Variants in AXDND1 observed in about 807,000 individuals in gnomAD.
AXDND1 encodes the protein axonemal dynein light chain domain containing 1, also known as axonemal dynein light chain domain-containing protein 1.
In AXDND1, 110 loss-of-function variants were observed where a neutral mutation model predicts 137.5. That is an observed-to-expected ratio of 0.80 (90% CI 0.69 to 0.94). AXDND1 has a LOEUF of 0.94. Among genes scored for constraint, AXDND1 ranks in the 40% least tolerant of loss-of-function variants. The pLI is 0.00. For synonymous variants in AXDND1, 414 were observed against 399.7 expected, an observed-to-expected ratio of 1.04 and a Z score of -0.43; for missense variants, 1,191 against 1,169.8, an observed-to-expected ratio of 1.02 and a Z score of -0.26.
At position 179,378,685 on chromosome 1, in the gene AXDND1, G is replaced by A; in HGVS notation, c.423G>A (p.Arg141=). The part of the protein sequence containing the change: ...YDVTYAKGQT[R]EKAVCPPHLA... ...TAACATATGCCAAAGGACAGACTAG[G>A]GAGAAGGCAGTTTGTCCCCCACATT... Residue 141 remains arginine (R), a synonymous_variant, in exon 5 of 26, where the codon AGG becomes AGA. Transcript: ENST00000367618. 6.3e-7 allele frequency: 1 copy of A among 1,597,784 alleles called. No individual in the cohort carries two copies. The highest frequency in any genetic ancestry group is 8.5e-7 in the Non-Finnish European group (1 of 1,169,906).
At chr1:179,554,276 TA>T (rs933385496) in intron 25 of AXDND1, among the ~76,000 whole-genome samples, 5 of 152,270 alleles carry the variant, frequency 3.3e-5, no homozygotes, top group African/African-American at 1.2e-4. Context: ...GAGAAAAAAA[TA>T]ATCAGAGTAA....
chr1:179,461,110 T>C (rs960267427), intron 16 of AXDND1, among the ~76,000 whole-genome samples: 1 of 152,180 alleles, frequency 6.6e-6, no homozygotes, highest in African/African-American at 2.4e-5. Flanking sequence ...GGTGTTTTAG[T>C]CATGAAGTTC....
chr1:179,493,827 C>T (rs776324638), intron 20 of AXDND1, among the ~76,000 whole-genome samples: 27 of 151,604 alleles, frequency 1.8e-4, no homozygotes, highest in Admixed American at 7.2e-4. Context: ...ACATGTACTC[C>T]AAAATATGTA....
chr1:179,441,917 C>T (rs1437468782), intron 15 of AXDND1, among the ~76,000 whole-genome samples: 5 of 152,242 alleles, frequency 3.3e-5, no homozygotes, highest in South Asian at 2.1e-4. Context: ...AAGTGTTTCT[C>T]ATCAAAGGGT....
chr1:179,495,411 G>A (rs1667342966), intron 20 of AXDND1, among the ~76,000 whole-genome samples: 1 of 152,048 alleles, frequency 6.6e-6, no homozygotes, highest in East Asian at 1.9e-4. Flanking sequence ...TAGTTTGTGA[G>A]ATTTATCCCT....
intron 22 of AXDND1, among the ~76,000 whole-genome samples, chr1:179,526,760 C>T (rs1045599397): frequency 6.6e-6 from 1 of 152,142 alleles, no homozygotes; most frequent in African/African-American, 2.4e-5. Flanking sequence ...GTAGAAGGCA[C>T]AGAATAAATG....
intron 23 of AXDND1, among the ~76,000 whole-genome samples, chr1:179,528,641 C>CTT (rs34531104): frequency 0.19 from 21,477 of 115,256 alleles, 2,572 homozygotes; most frequent in Non-Finnish European, 0.22. Flanking sequence ...CTTTAAACCT[C>CTT]TTTTTTTTTT....
chr1:179,441,771 G>T (rs181685105), intron 15 of AXDND1, among the ~76,000 whole-genome samples: 1 of 152,158 alleles, frequency 6.6e-6, no homozygotes. Context: ...CTGAATAAGG[G>T]CTATTACCTA....
intron 11 of AXDND1, 103 bp downstream of exon 11, chr1:179,395,305 A>G (rs1210951385): frequency 1.1e-6 from 1 of 872,828 alleles, no homozygotes; most frequent in African/African-American, 1.7e-5. Context: ...GAATTCTAAA[A>G]TCACATATAG....
At chr1:179,502,099 C>A (rs1668055754) in intron 20 of AXDND1, among the ~76,000 whole-genome samples, 1 of 152,010 alleles carries the variant, frequency 6.6e-6, no homozygotes, top group Admixed American at 6.6e-5. Context: ...TTCTAGGAAT[C>A]AATATTATAA....
At chr1:179,421,400 A>T in intron 12 of AXDND1, among the ~76,000 whole-genome samples, 1 of 92,822 alleles carries the variant, frequency 1.1e-5, no homozygotes, top group Non-Finnish European at 1.9e-5. Context: ...TTTTTTTGAG[A>T]CAGAGTCTTG....
chr1:179,476,008 A>G (rs1664580085), intron 17 of AXDND1, among the ~76,000 whole-genome samples: 1 of 152,086 alleles, frequency 6.6e-6, no homozygotes, highest in South Asian at 2.1e-4. Flanking sequence ...CCCTGCTTGC[A>G]CTTCTCTTTT....
In AXDND1 at chr1:179,502,574, A is replaced by AAAG. The variant is rs1380665700; in HGVS notation, c.2389-6720_2389-6719insGAA. Among the ~76,000 whole-genome samples the AAAG allele has an allele frequency of 8.8e-3, 1,340 of 151,432 alleles. 32 individuals carry two copies. The highest frequency in any genetic ancestry group is 0.031 in the African/African-American group (1,261 of 41,048). ...GCAAAACTCTGTCTAAAAAAAAAAA[A>AAAG]AAAAAAAAAAAGAAATTGCAAAGTC... On this transcript the variant is annotated intron_variant, in intron 20 of 25. Transcript: ENST00000367618.
At chr1:179,508,327 C>A (rs1438220604) in intron 20 of AXDND1, among the ~76,000 whole-genome samples, 1 of 68,684 alleles carries the variant, frequency 1.5e-5, no homozygotes, top group African/African-American at 4.4e-5. Flanking sequence ...CAGAGCAAGA[C>A]CCTGTCTCAA....
rs187653696 is a variant in AXDND1 at position 179,504,881 on chromosome 1, G to A, written c.2389-4415G>A. Among the ~76,000 whole-genome samples the A allele has an allele frequency of 4.6e-5, 7 of 152,316 alleles. No individual in the cohort carries two copies. The East Asian group carries it at 1.2e-3, about 25-fold the overall frequency. ...GAGGTAAGGCTGTAACTGAGCCTAT[G>A]CAAAGGCCTTCTTCTGCTAAGAAAA... On this transcript the variant is annotated intron_variant, in intron 20 of 25. Coordinates refer to ENST00000367618, the MANE Select transcript of AXDND1 (RefSeq NM_144696.6).
chr1:179,449,982 A>T (rs1660306062), intron 16 of AXDND1: 1 of 119,028 alleles, frequency 8.4e-6, no homozygotes, highest in African/African-American at 3.0e-5. Context: ...TTTCTTGCCA[A>T]TCTGGATTTT....
At chr1:179,549,747 C>T (rs1010962456) in intron 25 of AXDND1, among the ~76,000 whole-genome samples, 1 of 152,042 alleles carries the variant, frequency 6.6e-6, no homozygotes, top group African/African-American at 2.4e-5. Flanking sequence ...TTCCAATAAC[C>T]AATACACTGG....
At chr1:179,375,108 A>T (rs35765521) in intron 4 of AXDND1, among the ~76,000 whole-genome samples, 44,203 of 151,540 alleles carry the variant, frequency 0.29, 6,628 homozygotes, top group Non-Finnish European at 0.31. Context: ...TAAAAAAAAA[A>T]TTTTTTTTAA....
intron 25 of AXDND1, chr1:179,552,310 C>T: frequency 2.1e-6 from 1 of 471,472 alleles, no homozygotes; most frequent in East Asian, 4.1e-5. Flanking sequence ...GATGCCAGCA[C>T]TAGAGAAGAG....
Sources: gnomAD v4.1 joint callset for allele counts (sites outside exome capture counted in the v4.1 genomes callset) on GRCh38, gnomAD v4.1.1 for gene constraint, MANE v1.5 for transcripts, NCBI Gene and HGNC (gene_info 2026-07-23, HGNC 2026-07-21) for gene names.